Variants in TBCK observed in about 807,000 individuals in gnomAD.
The protein encoded by TBCK is TBC domain-containing protein kinase-like protein.
A neutral mutation model predicts 113.4 loss-of-function variants in TBCK; 99 were observed. The observed-to-expected ratio is 0.87, with a 90% CI of 0.74 to 1.03. The LOEUF (loss-of-function observed/expected upper bound fraction) is 1.03. Among genes scored for constraint, TBCK ranks in the 50% least tolerant of loss-of-function variants. The probability of loss-of-function intolerance (pLI) is 0.00; values close to 1 mark genes in which losing one functional copy is unlikely to be tolerated. For missense variants in TBCK, 1,045 were observed against 1,061.3 expected, an observed-to-expected ratio of 0.98 and a Z score of 0.21; for synonymous variants, 369 against 370.8, an observed-to-expected ratio of 1.00 and a Z score of 0.05.
intron 25 of TBCK, among the ~76,000 whole-genome samples, chr4:106,092,446 G>T (rs1740384432): frequency 6.6e-6 from 1 of 152,238 alleles, no homozygotes; most frequent in African/African-American, 2.4e-5. Context: ...CTGTGAAGCA[G>T]GGGGCAGCAC....
In TBCK at chr4:106,316,031, T is replaced by A. The variant is rs1430401036; in HGVS notation, c.-130A>T. On this transcript the variant is annotated 5_prime_UTR_variant, in exon 1 of 26. The change abolishes the stop of an existing upstream ORF in the 5' untranslated region. Coordinates refer to ENST00000394708, the MANE Select transcript of TBCK (RefSeq NM_001163435.3). ...TGTGGCTGCTGCTGCCGCTACGGCTTAGTGCACCAGACGCTGCATTTCAGG... is the reference window on the plus strand; with the variant it reads ...TGTGGCTGCTGCTGCCGCTACGGCTAAGTGCACCAGACGCTGCATTTCAGG... 6.5e-6 allele frequency: 1 copy of A among 152,818 alleles called. No individual in the cohort carries two copies. The highest frequency in any genetic ancestry group is 1.5e-5 in the Non-Finnish European group (1 of 68,424). 9.5% of individuals were successfully genotyped at this position (152,818 alleles called of 1,614,324 possible). A position where few individuals can be genotyped will look rare whatever the true frequency, so the allele number is the denominator to read the frequency against.
intron 23 of TBCK, among the ~76,000 whole-genome samples, chr4:106,121,280 C>T (rs1220043597): frequency 1.3e-5 from 2 of 150,636 alleles, no homozygotes; most frequent in Non-Finnish European, 3.0e-5. Flanking sequence ...ACAAAGAAGG[C>T]CATTACATAA....
chr4:106,106,252 C>T (rs1022921179), intron 24 of TBCK, among the ~76,000 whole-genome samples: 3 of 152,110 alleles, frequency 2.0e-5, no homozygotes, highest in Admixed American at 6.6e-5. Context: ...CTTCCCTAAC[C>T]TTGCTAAAGA....
chr4:106,067,153 TCTC>T (rs770183325), intron 25 of TBCK, among the ~76,000 whole-genome samples: 9 of 152,144 alleles, frequency 5.9e-5, no homozygotes, highest in Non-Finnish European at 1.3e-4. Flanking sequence ...GGTTCTAATT[TCTC>T]CTCATCCTTG....
At chr4:106,163,317 G>C (rs1750000180) in intron 23 of TBCK, 1 of 152,248 alleles carries the variant, frequency 6.6e-6, no homozygotes, top group African/African-American at 2.4e-5. Context: ...TGTCTTCTGA[G>C]TATTCCAAGT....
chr4:106,042,655 C>T lies in TBCK; in HGVS notation c.*3915G>A, dbSNP rs1456295452. ...GATTCTTTTGAGATGCTATAGAATCCTTTTGATACTAATTCCCAAAGGAAT... is the reference window on the plus strand; with the variant it reads ...GATTCTTTTGAGATGCTATAGAATCTTTTTGATACTAATTCCCAAAGGAAT... On this transcript the variant is annotated 3_prime_UTR_variant, in exon 26 of 26. Coordinates refer to ENST00000394708, the MANE Select transcript of TBCK (RefSeq NM_001163435.3). 6.6e-6 allele frequency: 1 copy of T among 152,150 alleles called. No homozygotes were observed. The highest frequency in any genetic ancestry group is 2.4e-5 in the African/African-American group (1 of 41,412). 9.4% of individuals were successfully genotyped at this position (152,150 alleles called of 1,614,324 possible). A position where few individuals can be genotyped will look rare whatever the true frequency, so the allele number is the denominator to read the frequency against.
intron 5 of TBCK, among the ~76,000 whole-genome samples, chr4:106,259,971 T>G (rs1181225992): frequency 6.6e-6 from 1 of 151,912 alleles, no homozygotes; most frequent in South Asian, 2.1e-4. Context: ...GTATGGAATT[T>G]ATCTCTATCT....
chr4:106,191,556 G>A (rs1358212646), intron 22 of TBCK, among the ~76,000 whole-genome samples: 1 of 152,120 alleles, frequency 6.6e-6, no homozygotes, highest in Non-Finnish European at 1.5e-5. Context: ...AAAATATGTG[G>A]AAAATGTCAT....
At chr4:106,094,951 A>T (rs1014257683) in intron 25 of TBCK, among the ~76,000 whole-genome samples, 3 of 152,160 alleles carry the variant, frequency 2.0e-5, no homozygotes, top group Non-Finnish European at 4.4e-5. Flanking sequence ...AAAAATAAAG[A>T]TATTTTTGGC....
At chr4:106,161,989 A>C (rs189980452) in intron 23 of TBCK, among the ~76,000 whole-genome samples, 1 of 152,236 alleles carries the variant, frequency 6.6e-6, no homozygotes, top group Non-Finnish European at 1.5e-5. Flanking sequence ...TTCAGGGTTA[A>C]CTCAAAAGTC....
chr4:106,175,843 T>C (rs899694913), intron 22 of TBCK, among the ~76,000 whole-genome samples: 4 of 152,158 alleles, frequency 2.6e-5, no homozygotes, highest in African/African-American at 9.6e-5. Context: ...TGAACATATT[T>C]ACTTTGGTTT....
intron 1 of TBCK, chr4:106,310,333 C>T (rs937949720): frequency 4.5e-4 from 69 of 151,980 alleles, no homozygotes; most frequent in African/African-American, 1.4e-3. Flanking sequence ...AAGCTACAAC[C>T]TGTAATAGTC....
chr4:106,068,002 T>A (rs1202700618), intron 25 of TBCK, among the ~76,000 whole-genome samples: 2 of 152,138 alleles, frequency 1.3e-5, no homozygotes, highest in Non-Finnish European at 2.9e-5. Context: ...TTAGTATGGA[T>A]TTTTTTAATT....
chr4:106,168,144 C>T (rs72677343), intron 23 of TBCK, among the ~76,000 whole-genome samples: 1 of 151,672 alleles, frequency 6.6e-6, no homozygotes, highest in Admixed American at 6.6e-5. Flanking sequence ...AAATTATATA[C>T]CATGAACAAG....
At chr4:106,288,857 T>C (rs905410711) in intron 3 of TBCK, among the ~76,000 whole-genome samples, 1 of 152,198 alleles carries the variant, frequency 6.6e-6, no homozygotes, top group African/African-American at 2.4e-5. Context: ...AGTGTAAACT[T>C]TGCTTCATGC....
At chr4:106,266,733 G>A (rs1467143929) in intron 3 of TBCK, among the ~76,000 whole-genome samples, 2 of 151,612 alleles carry the variant, frequency 1.3e-5, no homozygotes, top group Non-Finnish European at 3.0e-5. Context: ...TTTTTAATTT[G>A]TTTTAAAATG....
At chr4:106,147,104 T>C (rs1481034967) in intron 23 of TBCK, among the ~76,000 whole-genome samples, 1 of 152,226 alleles carries the variant, frequency 6.6e-6, no homozygotes, top group Non-Finnish European at 1.5e-5. Flanking sequence ...ATTCTAGTTC[T>C]CTATTTCTAC....
chr4:106,307,339 TTAATTAAAATATG>T (rs1264720261), intron 2 of TBCK, among the ~76,000 whole-genome samples: 3 of 152,152 alleles, frequency 2.0e-5, no homozygotes, highest in Non-Finnish European at 4.4e-5. Flanking sequence ...AAGGATTAAG[TTAATTAAAATATG>T]TAATTAAAAT....
chr4:106,114,584 C>T (rs999880282), intron 24 of TBCK, among the ~76,000 whole-genome samples: 16 of 152,196 alleles, frequency 1.1e-4, no homozygotes, highest in African/African-American at 3.9e-4. Context: ...GCCAGGTCCT[C>T]TAGCCCGCTT....
Sources: gnomAD v4.1 joint callset for allele counts (sites outside exome capture counted in the v4.1 genomes callset) on GRCh38, gnomAD v4.1.1 for gene constraint, MANE v1.5 for transcripts, NCBI Gene and HGNC (gene_info 2026-07-23, HGNC 2026-07-21) for gene names.